EYS: variants seen among roughly 807,000 people sequenced by gnomAD.
EYS encodes EGF-like photoreceptor maintenance factor.
EYS carries 250 observed loss-of-function variants against 282.1 expected under a neutral mutation model. That is an observed-to-expected ratio of 0.89 (90% CI 0.80 to 0.98). The LOEUF is 0.98. EYS is among the 50% of genes least tolerant of loss of function. The probability of loss-of-function intolerance (pLI) is 0.00; values close to 1 mark genes in which losing one functional copy is unlikely to be tolerated. For synonymous variants in EYS, 1,355 were observed against 1,282.9 expected, an observed-to-expected ratio of 1.06 and a Z score of -1.20; for missense variants, 4,016 against 3,709.0, an observed-to-expected ratio of 1.08 and a Z score of -2.15.
intron 41 of EYS, among the ~76,000 whole-genome samples, chr6:63,745,869 T>A (rs759766564): frequency 1.3e-5 from 2 of 152,166 alleles, no homozygotes; most frequent in African/African-American, 2.4e-5. Context: ...GGAGTTGTAA[T>A]CCAGTAGAAT....
chr6:64,883,372 AT>A (rs1266298485), intron 19 of EYS, among the ~76,000 whole-genome samples: 2 of 151,458 alleles, frequency 1.3e-5, no homozygotes, highest in East Asian at 3.9e-4. Context: ...TCTACATGGC[AT>A]TATTATCAAA....
intron 35 of EYS, among the ~76,000 whole-genome samples, chr6:63,953,649 A>G (rs1765691177): frequency 1.3e-5 from 2 of 152,170 alleles, no homozygotes; most frequent in African/African-American, 4.8e-5. Flanking sequence ...ATATAAACTC[A>G]CAAAAGAAAA....
intron 22 of EYS, among the ~76,000 whole-genome samples, chr6:64,805,231 A>G (rs1477551057): frequency 6.6e-6 from 1 of 152,026 alleles, no homozygotes; most frequent in African/African-American, 2.4e-5. Context: ...CAATAAAGTA[A>G]CCTTAATTGT....
At chr6:65,377,579 T>C (rs1340798638) in intron 8 of EYS, among the ~76,000 whole-genome samples, 3 of 151,760 alleles carry the variant, frequency 2.0e-5, no homozygotes, top group South Asian at 2.1e-4. Context: ...AATCATTGAA[T>C]CAAGGAGCTG....
In EYS at chr6:65,495,152, T is replaced by A. The variant is rs780162766; in HGVS notation, c.259A>T (p.Ile87Phe). The change falls in exon 4 of 43, where the codon ATC (isoleucine) becomes TTC (phenylalanine). Residue 87 changes from isoleucine (I) to phenylalanine (F), a missense_variant. Physicochemically the swap from Ile to Phe is conservative, Grantham distance 21. Transcript: ENST00000503581. The part of the protein sequence containing the change: ...ICPLQIQLGD[I>F]LVISSEPSLQ... The stretch of plus-strand genomic sequence containing the variant: ...GATGGTTCAGAAGAAATTACAAGGA[T>A]ATCTCCTAATTGAATTTGCAAAGGG... 1.1e-5 allele frequency: 17 copies of A among 1,614,034 alleles called. No homozygotes were observed. The highest frequency in any genetic ancestry group is 1.2e-5 in the Non-Finnish European group (14 of 1,179,908).
Position 65,370,755 on chromosome 6 carries a change from T to C in EYS, c.1299+13631A>G, listed in dbSNP as rs577812060. Among the ~76,000 whole-genome samples, 3 of 152,052 alleles carry C rather than the reference T, an allele frequency of 2.0e-5. No individual in the cohort carries two copies. In the East Asian group the frequency reaches 5.8e-4, roughly 29 times the overall value. ...AGAAAGAGTTCTCCTGCTCAGTTTCTATAGTCTGCGCACTTCCTATAAGGG... is the reference window on the plus strand; with the variant it reads ...AGAAAGAGTTCTCCTGCTCAGTTTCCATAGTCTGCGCACTTCCTATAAGGG... On this transcript the variant is annotated intron_variant, in intron 8 of 42. Transcript: ENST00000503581.
At position 65,419,823 on chromosome 6, in the gene EYS, C is replaced by T. The variant is rs538464356; in HGVS notation, c.863-14456G>A. On this transcript the variant is annotated intron_variant, in intron 5 of 42. Coordinates refer to ENST00000503581, the MANE Select transcript of EYS (RefSeq NM_001142800.2). Reference sequence around the variant, plus strand: ...TTGCAGGTAGGTTTCCAGATCACTACAATAAAGTCAATATCAATCTGAAGC... The same window carrying T: ...TTGCAGGTAGGTTTCCAGATCACTATAATAAAGTCAATATCAATCTGAAGC... Among the ~76,000 whole-genome samples, 3 of 151,986 alleles carry T rather than the reference C, an allele frequency of 2.0e-5. No individual in the cohort carries two copies. The East Asian group carries it at 5.8e-4, about 29-fold the overall frequency.
chr6:64,686,632 T>G lies in EYS; in HGVS notation c.3444-60387A>C, dbSNP rs942752641. On this transcript the variant is annotated intron_variant, in intron 22 of 42. Transcript: ENST00000503581. ...GGCCGGCCCCTGTAGTCCCAGCTACTCGGGAGGCTGAGGCAGGAGAATGAC... is the reference window on the plus strand; with the variant it reads ...GGCCGGCCCCTGTAGTCCCAGCTACGCGGGAGGCTGAGGCAGGAGAATGAC... Among the ~76,000 whole-genome samples, 57 of 148,758 alleles carry G rather than the reference T, an allele frequency of 3.8e-4. 2 individuals carry two copies. Among genetic ancestry groups the G allele is most frequent in the African/African-American group, 1.3e-3 (54 of 40,674 alleles).
Position 64,372,295 on chromosome 6 carries a change from G to A in EYS, c.6078+16395C>T, listed in dbSNP as rs138131400. Among the ~76,000 whole-genome samples, 64 of 151,958 alleles carry A rather than the reference G, an allele frequency of 4.2e-4. 1 individual carries two copies. Among genetic ancestry groups the A allele is most frequent in the African/African-American group, 1.4e-3 (60 of 41,428 alleles). ...AGGGTCTTATTTCTCCTTTGCTTAC[G>A]AAGCTTACTTTGGCTGAATATGAAA... On this transcript the variant is annotated intron_variant, in intron 29 of 42. Coordinates refer to ENST00000503581, the MANE Select transcript of EYS (RefSeq NM_001142800.2).
At chr6:65,665,483 G>T (rs551792085) in intron 1 of EYS, among the ~76,000 whole-genome samples, 1 of 152,194 alleles carries the variant, frequency 6.6e-6, no homozygotes, top group African/African-American at 2.4e-5. Flanking sequence ...CTTAAAAATG[G>T]CACAAGGTTT....
chr6:65,081,886 A>G (rs1392205424), intron 12 of EYS, among the ~76,000 whole-genome samples: 2 of 152,096 alleles, frequency 1.3e-5, no homozygotes, highest in Non-Finnish European at 2.9e-5. Context: ...TCATGCTACA[A>G]AATGACTATC....
chr6:63,922,128 C>T (rs913031907), intron 35 of EYS, among the ~76,000 whole-genome samples: 3 of 152,186 alleles, frequency 2.0e-5, no homozygotes, highest in Middle Eastern at 3.2e-3. Context: ...GCAACCTGAC[C>T]TTGAACTTCC....
intron 33 of EYS, among the ~76,000 whole-genome samples, chr6:64,053,571 T>A (rs943969416): frequency 6.6e-6 from 1 of 152,156 alleles, no homozygotes; most frequent in African/African-American, 2.4e-5. Context: ...CTCAATGTTG[T>A]CTTCTTTAAA....
intron 28 of EYS, among the ~76,000 whole-genome samples, chr6:64,431,912 G>T (rs1475253032): frequency 4.6e-5 from 7 of 152,118 alleles, no homozygotes. Context: ...ATCTGCCAGT[G>T]TGTGGATTTC....
Position 64,074,073 on chromosome 6 carries a change from C to G in EYS, c.6572-7582G>C, listed in dbSNP as rs573229103. 3.4e-4 allele frequency among the ~76,000 whole-genome samples: 51 copies of G among 151,700 alleles called. 1 individual carries two copies. Among genetic ancestry groups the G allele is most frequent in the Admixed American group, 3.2e-3 (49 of 15,170 alleles). ...CTTTGTAGTAAGTTTTAAAATGAAT[C>G]ATTTATTGATTTTTTTTCTGAATGT... On this transcript the variant is annotated intron_variant, in intron 32 of 42. Coordinates refer to ENST00000503581, the MANE Select transcript of EYS (RefSeq NM_001142800.2).
chr6:65,190,948 T>G (rs1237522287), intron 12 of EYS, among the ~76,000 whole-genome samples: 1 of 151,738 alleles, frequency 6.6e-6, no homozygotes, highest in African/African-American at 2.4e-5. Context: ...ACTGTAAAAG[T>G]GGAGAATGAC....
intron 22 of EYS, among the ~76,000 whole-genome samples, chr6:64,697,837 G>T (rs1403838928): frequency 5.9e-5 from 9 of 152,062 alleles, no homozygotes; most frequent in Admixed American, 5.9e-4. Context: ...AGCTACTCAG[G>T]CGGCTGAGGC....
intron 12 of EYS, among the ~76,000 whole-genome samples, chr6:65,193,608 A>G (rs1027006333): frequency 6.6e-6 from 1 of 151,686 alleles, no homozygotes; most frequent in African/African-American, 2.4e-5. Flanking sequence ...CCATCCATTC[A>G]TTTATTGTTC....
intron 12 of EYS, among the ~76,000 whole-genome samples, chr6:65,216,609 A>G (rs993472175): frequency 1.3e-5 from 2 of 151,842 alleles, no homozygotes; most frequent in Non-Finnish European, 2.9e-5. Context: ...AATAGTACAG[A>G]ATGTTTAACA....
Sources: gnomAD v4.1 joint callset for allele counts (sites outside exome capture counted in the v4.1 genomes callset) on GRCh38, gnomAD v4.1.1 for gene constraint, MANE v1.5 for transcripts, NCBI Gene and HGNC (gene_info 2026-07-23, HGNC 2026-07-21) for gene names.